The following FRMPD4 variants were observed in gnomAD, a reference collection of about 807,000 sequenced individuals.
FRMPD4 encodes the protein FERM and PDZ domain-containing protein 4.
A neutral mutation model predicts 94.1 loss-of-function variants in FRMPD4; 22 were observed. The observed-to-expected ratio is 0.23, with a 90% CI of 0.17 to 0.33. FRMPD4 has a LOEUF of 0.33. Among genes scored for constraint, FRMPD4 ranks in the 10% least tolerant of loss-of-function variants. FRMPD4 has a pLI of 1.00. For synonymous variants in FRMPD4, 631 were observed against 548.6 expected (o/e 1.15, Z -2.10); for missense variants, 1,111 against 1,339.9 (o/e 0.83, Z 2.67).
rs189470150 is a variant in FRMPD4, at chrX:12,041,756, C to T, written c.95+163738C>T. Among the ~76,000 whole-genome samples, 424 of 111,312 alleles carry T rather than the reference C, an allele frequency of 3.8e-3. 1 individual carries two copies. Among genetic ancestry groups the T allele is most frequent in the Non-Finnish European group, 5.8e-3 (306 of 52,946 alleles). Reference sequence around the variant, plus strand: ...CTTTTTTTCTCTTCCTTTATCCTCTCCTCCCTTCTCAAATTCCCATGGAAA... The same window carrying T: ...CTTTTTTTCTCTTCCTTTATCCTCTTCTCCCTTCTCAAATTCCCATGGAAA... On this transcript the variant is annotated intron_variant, in intron 3 of 18. Transcript: ENST00000640291.
intron 1 of FRMPD4, among the ~76,000 whole-genome samples, chrX:12,396,641 A>G (rs987082585): frequency 8.9e-6 from 1 of 112,130 alleles, no homozygotes; most frequent in Non-Finnish European, 1.9e-5. Flanking sequence ...ACTTATAAAC[A>G]TTTTTAGGAT....
At chrX:11,898,825 G>T (rs906324189) in intron 3 of FRMPD4, among the ~76,000 whole-genome samples, 1 of 111,858 alleles carries the variant, frequency 8.9e-6, no homozygotes, top group African/African-American at 3.3e-5. Context: ...TAAGTGATTG[G>T]CTGTGTGCTA....
chrX:12,550,654 T>C (rs939293518), intron 2 of FRMPD4, among the ~76,000 whole-genome samples: 1 of 111,137 alleles, frequency 9.0e-6, no homozygotes, highest in African/African-American at 3.3e-5. Flanking sequence ...ACAAAAAAAA[T>C]TGTTCTCTGT....
At chrX:12,307,949 T>C (rs2054970309) in intron 1 of FRMPD4, among the ~76,000 whole-genome samples, 2 of 111,294 alleles carry the variant, frequency 1.8e-5, no homozygotes, top group Non-Finnish European at 3.8e-5. Context: ...AGTGTAGAGA[T>C]GTGTGGGTAT....
At chrX:12,499,873 T>A (rs1242926136) in intron 2 of FRMPD4, among the ~76,000 whole-genome samples, 1 of 111,974 alleles carries the variant, frequency 8.9e-6, no homozygotes, top group Non-Finnish European at 1.9e-5. Flanking sequence ...TGCTTTCACA[T>A]CTTCTAGACA....
chrX:11,905,595 A>G (rs1473210123), intron 3 of FRMPD4, among the ~76,000 whole-genome samples: 1 of 111,603 alleles, frequency 9.0e-6, no homozygotes, highest in Non-Finnish European at 1.9e-5. Flanking sequence ...AAGAGCCCTC[A>G]GTTAGCCCAG....
intron 3 of FRMPD4, among the ~76,000 whole-genome samples, chrX:11,941,631 G>A (rs900357992): frequency 8.9e-6 from 1 of 112,361 alleles, no homozygotes; most frequent in Non-Finnish European, 1.9e-5. Context: ...AAAGAGAGCA[G>A]TACCTTAGTT....
At chrX:12,216,621 G>A (rs772190470) in intron 1 of FRMPD4, among the ~76,000 whole-genome samples, 4 of 111,410 alleles carry the variant, frequency 3.6e-5, no homozygotes, top group Non-Finnish European at 7.5e-5. Flanking sequence ...TTTAACTCTA[G>A]ACATCTTCAT....
chrX:12,501,072 T>G (rs186553655), intron 2 of FRMPD4, among the ~76,000 whole-genome samples: 131 of 112,337 alleles, frequency 1.2e-3, no homozygotes, highest in African/African-American at 4.0e-3. Flanking sequence ...GGCCAACTGG[T>G]TAGAGGTTCT....
chrX:11,943,836 C>T (rs2054175232), intron 3 of FRMPD4, among the ~76,000 whole-genome samples: 1 of 111,837 alleles, frequency 8.9e-6, no homozygotes, highest in Admixed American at 9.5e-5. Flanking sequence ...AGGTTTTTTC[C>T]CTTTTTTATA....
intron 4 of FRMPD4, among the ~76,000 whole-genome samples, chrX:12,662,986 G>A (rs185114500): frequency 1.2e-3 from 138 of 112,125 alleles, no homozygotes; most frequent in Middle Eastern, 4.6e-3. Flanking sequence ...GTTTGTTGGC[G>A]GCATAAATGT....
chrX:12,425,560 T>C (rs2056935978), intron 1 of FRMPD4, among the ~76,000 whole-genome samples: 1 of 111,992 alleles, frequency 8.9e-6, no homozygotes, highest in South Asian at 3.7e-4. Flanking sequence ...GTCTCATGCA[T>C]TGGTTCTCAA....
In FRMPD4 at chrX:12,274,933, C is replaced by T. The variant is rs749909664; in HGVS notation, c.41+135921C>T. ...CTGAGGCAGGAGAATGGCGTGAACC[C>T]GGGAGGCGGAGCTTGCAGTGAGCGG... On this transcript the variant is annotated intron_variant, in intron 1 of 16. Transcript: ENST00000675598. Among the ~76,000 whole-genome samples, 7 of 111,892 alleles carry T rather than the reference C, an allele frequency of 6.3e-5. No individual in the cohort carries two copies. The South Asian group carries it at 2.7e-3, about 43-fold the overall frequency.
At position 12,250,649 on chromosome X, in the gene FRMPD4, G is replaced by T. The variant is rs1195160599; in HGVS notation, c.41+111637G>T. On this transcript the variant is annotated intron_variant, in intron 1 of 16. Transcript: ENST00000675598. ...TTAAATGGACAGTTTCTTTATCTCC[G>T]TCAAATTGGCTACTCTAGGGAAATA... 2.7e-5 allele frequency among the ~76,000 whole-genome samples: 3 copies of T among 111,876 alleles called. 1 individual carries two copies. The highest frequency in any genetic ancestry group is 7.5e-4 in the South Asian group (2 of 2,672).
chrX:12,491,199 C>T, intron 1 of FRMPD4, among the ~76,000 whole-genome samples: 1 of 109,932 alleles, frequency 9.1e-6, no homozygotes, highest in East Asian at 2.8e-4. Context: ...AAATAAAATC[C>T]TAAGTATGAA....
chrX:12,152,922 CAT>C (rs1819556662), intron 1 of FRMPD4, among the ~76,000 whole-genome samples: 1 of 79,657 alleles, frequency 1.3e-5, no homozygotes, highest in East Asian at 4.9e-4. Flanking sequence ...AAAGCTTATA[CAT>C]TTTTTTTTTT....
intron 1 of FRMPD4, among the ~76,000 whole-genome samples, chrX:12,348,445 G>T (rs1298163567): frequency 3.6e-5 from 4 of 111,086 alleles, no homozygotes; most frequent in South Asian, 3.8e-4. Flanking sequence ...AGAAATGGGG[G>T]CTCCCTGGGA....
At chrX:11,943,856 T>A (rs2054644123) in intron 3 of FRMPD4, among the ~76,000 whole-genome samples, 1 of 111,924 alleles carries the variant, frequency 8.9e-6, no homozygotes, top group Non-Finnish European at 1.9e-5. Context: ...AACTCCATCT[T>A]CTCCCCAACT....
chrX:12,417,080 T>C (rs1355430611), intron 1 of FRMPD4, among the ~76,000 whole-genome samples: 8 of 111,347 alleles, frequency 7.2e-5, no homozygotes, highest in Non-Finnish European at 5.7e-5. Flanking sequence ...ATGTGTTCTA[T>C]AGCATGAGTG....
Sources: allele counts gnomAD v4.1 joint callset (sites outside exome capture counted in the v4.1 genomes callset), GRCh38; gene constraint gnomAD v4.1.1; transcripts MANE v1.5; gene names NCBI Gene and HGNC (gene_info 2026-07-23, HGNC 2026-07-21).